Variants in BCAS3 observed in about 807,000 individuals in gnomAD.
BCAS3 encodes BCAS3 microtubule associated cell migration factor.
A neutral mutation model predicts 116.1 loss-of-function variants in BCAS3; 53 were observed. The ratio of observed to expected loss-of-function variants is 0.46; its 90% CI spans 0.37 to 0.57. The LOEUF is 0.57. BCAS3 is among the 20% of genes least tolerant of loss of function. The pLI, the probability that BCAS3 is intolerant of heterozygous loss-of-function variation, is 0.00. For missense variants in BCAS3, 917 were observed against 1,165.4 expected (o/e 0.79, Z 3.10); for synonymous variants, 391 against 408.2 (o/e 0.96, Z 0.51).
Position 61,056,056 on chromosome 17 carries a change from G to T in BCAS3, c.2029+15164G>T, listed in dbSNP as rs924819074. The stretch of plus-strand genomic sequence containing the variant: ...ACTGGTAGTAACCAGGCTGGAAAAG[G>T]ATTTGACCCTTCCTTGGTCACTGCA... On this transcript the variant is annotated intron_variant, in intron 19 of 23. Coordinates refer to ENST00000407086, the MANE Select transcript of BCAS3 (RefSeq NM_017679.5). The surrounding 1 kb of genome is among the most constrained non-coding windows in gnomAD (Gnocchi z 4.9). Among the ~76,000 whole-genome samples the T allele has an allele frequency of 1.3e-5, 2 of 152,200 alleles. No individual in the cohort carries two copies. Among genetic ancestry groups the T allele is most frequent in the African/African-American group, 4.8e-5 (2 of 41,452 alleles).
intron 22 of BCAS3, among the ~76,000 whole-genome samples, chr17:61,238,084 C>G (rs755194882): frequency 1.3e-5 from 2 of 152,132 alleles, no homozygotes; most frequent in Non-Finnish European, 2.9e-5. Context: ...CAGAGTTTCA[C>G]TTTTGTCGCC....
chr17:61,380,163 G>A lies in BCAS3; in HGVS notation c.2593+11669G>A, dbSNP rs75248654. The A allele has an allele frequency of 0.027, 7,697 of 285,646 alleles. 150 individuals are homozygous for A. The highest frequency in any genetic ancestry group is 0.096 in the Middle Eastern group (82 of 856). The allele number at this position is 285,646 out of a possible 1,614,324, so 17.7% of individuals were successfully genotyped here. A position where few individuals can be genotyped will look rare whatever the true frequency, so the allele number is the denominator to read the frequency against. On this transcript the variant is annotated intron_variant, in intron 23 of 23. Coordinates refer to ENST00000407086, the MANE Select transcript of BCAS3 (RefSeq NM_017679.5). The surrounding 1 kb of genome is among the most constrained non-coding windows in gnomAD (Gnocchi z 4.2). ...CTTCAGACCTGGTTTCTAAATCCAC[G>A]GAAGCTGAGAGGAGGAAGAAAATCT...
chr17:60,890,176 A>G (rs926080269), intron 10 of BCAS3, among the ~76,000 whole-genome samples: 3 of 152,220 alleles, frequency 2.0e-5, no homozygotes, highest in African/African-American at 7.2e-5. Context: ...TGACAAGGCT[A>G]GGCGTGATGG....
chr17:61,264,211 ATTG>A (rs1832942880), intron 22 of BCAS3, among the ~76,000 whole-genome samples: 1 of 152,048 alleles, frequency 6.6e-6, no homozygotes, highest in South Asian at 2.1e-4. Flanking sequence ...TGTCATTATT[ATTG>A]TTATTTCTAG....
At chr17:60,981,607 T>C (rs2062819292) in intron 14 of BCAS3, among the ~76,000 whole-genome samples, 1 of 152,174 alleles carries the variant, frequency 6.6e-6, no homozygotes, top group African/African-American at 2.4e-5. Flanking sequence ...AGTATGTTGA[T>C]AGCAGTGAAA....
chr17:61,195,820 A>G (rs1453961976), intron 22 of BCAS3, among the ~76,000 whole-genome samples: 3 of 152,222 alleles, frequency 2.0e-5, no homozygotes, highest in Non-Finnish European at 2.9e-5. Context: ...GACTACAGTT[A>G]TGCACAGATT....
At chr17:60,770,988 G>T (rs112600295) in intron 6 of BCAS3, among the ~76,000 whole-genome samples, 6,704 of 151,306 alleles carry the variant, frequency 0.044, 479 homozygotes, top group African/African-American at 0.15. Flanking sequence ...CCTAATTTTT[G>T]TATCTTTAGT....
At chr17:60,754,280 A>G (rs551612820) in intron 6 of BCAS3, among the ~76,000 whole-genome samples, 1 of 152,254 alleles carries the variant, frequency 6.6e-6, no homozygotes, top group East Asian at 1.9e-4. Flanking sequence ...ATCATGGCTC[A>G]TTGCAGTCTT....
chr17:60,818,837 T>C (rs1426090498), intron 7 of BCAS3, among the ~76,000 whole-genome samples: 2 of 152,140 alleles, frequency 1.3e-5, no homozygotes, highest in Admixed American at 1.3e-4. Context: ...AGGTATACCG[T>C]TTATGCTGAC....
At chr17:60,922,259 T>A (rs935765141) in intron 12 of BCAS3, among the ~76,000 whole-genome samples, 1 of 152,142 alleles carries the variant, frequency 6.6e-6, no homozygotes, top group South Asian at 2.1e-4. Flanking sequence ...CCTGAGTAGC[T>A]GGGATTACAG....
At chr17:60,726,767 C>T (rs1490566754) in intron 5 of BCAS3, among the ~76,000 whole-genome samples, 1 of 152,236 alleles carries the variant, frequency 6.6e-6, no homozygotes, top group East Asian at 1.9e-4. Flanking sequence ...CCTCGGCCTC[C>T]CAGAGTGCTG....
At chr17:60,865,105 G>A (rs949846993) in intron 7 of BCAS3, among the ~76,000 whole-genome samples, 1 of 152,070 alleles carries the variant, frequency 6.6e-6, no homozygotes, top group African/African-American at 2.4e-5. Flanking sequence ...TTACCAAAAT[G>A]TGATGGAGAG....
At chr17:60,957,262 T>G (rs750619045) in intron 14 of BCAS3, among the ~76,000 whole-genome samples, 2 of 152,202 alleles carry the variant, frequency 1.3e-5, no homozygotes, top group Non-Finnish European at 2.9e-5. Context: ...TGAAATAATA[T>G]AGTTAGTATC....
rs1360400737 is a variant in BCAS3 at position 61,056,167 on chromosome 17, A to G, written c.2029+15275A>G. Among the ~76,000 whole-genome samples, 1 of 152,206 alleles carries G rather than the reference A, an allele frequency of 6.6e-6. No homozygotes were observed. The highest frequency in any genetic ancestry group is 1.5e-5 in the Non-Finnish European group (1 of 68,034). On this transcript the variant is annotated intron_variant, in intron 19 of 23. Coordinates refer to ENST00000407086, the MANE Select transcript of BCAS3 (RefSeq NM_017679.5). This position sits in a 1 kb window ranked among gnomAD's most constrained non-coding sequence, Gnocchi z 4.9. The stretch of plus-strand genomic sequence containing the variant: ...TTGTTCTGTCTCCAGCTCCAAGTGT[A>G]TAGACAGACTTGGGAAGAGATGGAG...
At position 60,679,436 on chromosome 17, in the gene BCAS3, G is replaced by T. The variant is rs1597985582; in HGVS notation, c.-5-17G>T. The T allele has an allele frequency of 6.3e-7, 1 of 1,586,652 alleles. No homozygotes were observed. On this transcript the variant is annotated splice_polypyrimidine_tract_variant and intron_variant, in intron 1 of 23. Coordinates refer to ENST00000407086, the MANE Select transcript of BCAS3 (RefSeq NM_017679.5). ...ATGTTTTTCTGTTTTTTGTTTGTTTGTTTGTTCTGGAAACAGGTTTTATGA... is the reference window on the plus strand; with the variant it reads ...ATGTTTTTCTGTTTTTTGTTTGTTTTTTTGTTCTGGAAACAGGTTTTATGA...
At chr17:60,876,448 T>C (rs572074807) in intron 9 of BCAS3, among the ~76,000 whole-genome samples, 2 of 152,050 alleles carry the variant, frequency 1.3e-5, no homozygotes, top group African/African-American at 4.8e-5. Context: ...ATGAAATCTT[T>C]CTTGACCCCT....
intron 22 of BCAS3, among the ~76,000 whole-genome samples, chr17:61,277,566 A>G (rs906029184): frequency 6.6e-6 from 1 of 152,188 alleles, no homozygotes; most frequent in Non-Finnish European, 1.5e-5. Context: ...ATGACCCACA[A>G]AATGGGAGAA....
intron 14 of BCAS3, among the ~76,000 whole-genome samples, chr17:60,984,634 C>T (rs980738765): frequency 2.0e-5 from 3 of 151,852 alleles, no homozygotes; most frequent in Non-Finnish European, 2.9e-5. Context: ...TACAAACAGT[C>T]CAATTACACT....
Position 61,020,492 on chromosome 17 carries a change from A to G in BCAS3, c.1637+4591A>G, listed in dbSNP as rs982618407. Among the ~76,000 whole-genome samples the G allele has an allele frequency of 1.3e-5, 2 of 152,214 alleles. No homozygotes were observed. Among genetic ancestry groups the G allele is most frequent in the Non-Finnish European group, 2.9e-5 (2 of 68,030 alleles). ...AAGTGTTAGACATTATTTGGCTCCA[A>G]TAATCACCCATTCAAACAGACTCTG... On this transcript the variant is annotated intron_variant, in intron 16 of 23. Coordinates refer to ENST00000407086, the MANE Select transcript of BCAS3 (RefSeq NM_017679.5). The surrounding 1 kb of genome is among the most constrained non-coding windows in gnomAD (Gnocchi z 4.5).
Sources: allele counts gnomAD v4.1 joint callset (sites outside exome capture counted in the v4.1 genomes callset), GRCh38; gene constraint gnomAD v4.1.1; non-coding constraint Gnocchi (gnomAD v3.1); transcripts MANE v1.5; gene names NCBI Gene and HGNC (gene_info 2026-07-23, HGNC 2026-07-21).